The following USP7 variants were observed in gnomAD, a reference collection of about 807,000 sequenced individuals.
USP7 encodes ubiquitin specific peptidase 7.
In USP7, 9 loss-of-function variants were observed where a neutral mutation model predicts 162.9. That is an observed-to-expected ratio of 0.06 (90% CI 0.03 to 0.10). USP7 has a LOEUF of 0.10. USP7 is among the 10% of genes least tolerant of loss of function. The probability of loss-of-function intolerance (pLI) is 1.00; values close to 1 mark genes in which losing one functional copy is unlikely to be tolerated. For synonymous variants in USP7, 562 were observed against 475.9 expected (o/e 1.18, Z -2.35); for missense variants, 715 against 1,373.7 (o/e 0.52, Z 7.58).
intron 15 of USP7, 140 bp from the exon 16 acceptor site, chr16:8,903,542 A>C: frequency 2.6e-6 from 3 of 1,146,472 alleles, no homozygotes; most frequent in Non-Finnish European, 3.6e-6. Flanking sequence ...ATGAAGAAAA[A>C]CCGCATAAAA....
intron 1 of USP7, among the ~76,000 whole-genome samples, chr16:8,948,381 C>T (rs1363090336): frequency 1.3e-5 from 2 of 152,132 alleles, no homozygotes; most frequent in Non-Finnish European, 2.9e-5. Flanking sequence ...GACGAGTTTT[C>T]ACCATGTTGC....
Position 8,904,400 on chromosome 16 carries a change from T to C in USP7, c.1704+35A>G, listed in dbSNP as rs759598815. 10 of 1,609,622 alleles carry C rather than the reference T, an allele frequency of 6.2e-6. No individual in the cohort carries two copies. In the East Asian group the frequency reaches 1.8e-4, roughly 29 times the overall value. On this transcript the variant is annotated intron_variant, in intron 15 of 30. Coordinates refer to ENST00000344836, the MANE Select transcript of USP7 (RefSeq NM_003470.3). Reference sequence around the variant, plus strand: ...GTATAGAGATGGGTGCCCGGCTGCATGGTGACCCGGAGTCCCAGAAGGGCG... The same window carrying C: ...GTATAGAGATGGGTGCCCGGCTGCACGGTGACCCGGAGTCCCAGAAGGGCG...
chr16:8,935,031 A>G (rs919458783), intron 1 of USP7, among the ~76,000 whole-genome samples: 27 of 152,228 alleles, frequency 1.8e-4, no homozygotes, highest in Non-Finnish European at 3.5e-4. Context: ...GAAATAGCCT[A>G]AACGATAAGG....
At chr16:8,932,073 A>G (rs1188568721) in intron 1 of USP7, among the ~76,000 whole-genome samples, 1 of 152,198 alleles carries the variant, frequency 6.6e-6, no homozygotes, top group Non-Finnish European at 1.5e-5. Context: ...CCCCTCCAAG[A>G]ACTCTCCAAA....
chr16:8,903,290 A>G lies in USP7; in HGVS notation c.1817T>C (p.Val606Ala), dbSNP rs778702214. ...CACCATGGTCTGAGAGAGGCTCTGA[A>G]CAAACTCAGCAAGCGAGGAGTTCTT... Reference protein sequence around the residue: ...VLKNSSLAEFVQSLSQTMGFP... With the variant: ...VLKNSSLAEFAQSLSQTMGFP... Residue 606 changes from valine to alanine, a missense_variant, in exon 16 of 31, where the codon GTT becomes GCT. Around this residue, in one of 11 missense-constraint regions of USP7, gnomAD observed 197 missense variants for 306.5 expected, o/e 0.64. Coordinates refer to ENST00000344836, the MANE Select transcript of USP7 (RefSeq NM_003470.3). 1.2e-5 allele frequency: 19 copies of G among 1,613,920 alleles called. No homozygotes were observed.
intron 2 of USP7, among the ~76,000 whole-genome samples, chr16:8,927,195 G>A (rs973075513): frequency 5.3e-5 from 8 of 152,062 alleles, no homozygotes; most frequent in South Asian, 2.1e-4. Context: ...GGTGGCAAGC[G>A]CCTGTAGTCC....
At position 8,963,299 on chromosome 16, in the gene USP7, TGGGCCTCGCCTGCGGCCGGGGGCCG is replaced by T; in HGVS notation, c.-39_-15del. 1 of 1,195,810 alleles carries T rather than the reference TGGGCCTCGCCTGCGGCCGGGGGCCG, an allele frequency of 8.4e-7. No individual in the cohort carries two copies. Among genetic ancestry groups the T allele is most frequent in the Non-Finnish European group, 1.1e-6 (1 of 935,198 alleles). 74.1% of individuals were successfully genotyped at this position (1,195,810 alleles called of 1,614,324 possible). A position where few individuals can be genotyped will look rare whatever the true frequency, so the allele number is the denominator to read the frequency against. On this transcript the variant is annotated 5_prime_UTR_variant, in exon 1 of 31. Coordinates refer to ENST00000344836, the MANE Select transcript of USP7 (RefSeq NM_003470.3). Reference sequence around the variant, plus strand: ...CTGGTGGTTCATGTCGGCCGCGGCCTGGGCCTCGCCTGCGGCCGGGGGCCGGGGCTGCGAGCCCGGCGGGCGGGCG... The same window carrying T: ...CTGGTGGTTCATGTCGGCCGCGGCCTGGGCTGCGAGCCCGGCGGGCGGGCG...
intron 1 of USP7, among the ~76,000 whole-genome samples, chr16:8,944,122 C>G (rs1899175507): frequency 1.3e-5 from 2 of 152,066 alleles, no homozygotes; most frequent in Non-Finnish European, 2.9e-5. Context: ...GTAGTTCCCT[C>G]TGAGGAACAG....
chr16:8,934,303 T>A (rs552407729), intron 1 of USP7, among the ~76,000 whole-genome samples: 2 of 152,314 alleles, frequency 1.3e-5, no homozygotes, highest in Non-Finnish European at 2.9e-5. Flanking sequence ...AGGTTATGGT[T>A]TCATGAGATG....
At chr16:8,956,546 C>A (rs555981361) in intron 1 of USP7, among the ~76,000 whole-genome samples, 12 of 152,266 alleles carry the variant, frequency 7.9e-5, no homozygotes, top group Admixed American at 3.9e-4. Context: ...GGGCAGACTG[C>A]CTGAGCTCAG....
At chr16:8,935,702 G>A (rs1184629757) in intron 1 of USP7, 1 of 152,198 alleles carries the variant, frequency 6.6e-6, no homozygotes, top group Non-Finnish European at 1.5e-5. Flanking sequence ...ATTGGTGATT[G>A]CTAGGCCTTT....
Position 8,909,874 on chromosome 16 carries a change from C to G in USP7, c.1161+871G>C, listed in dbSNP as rs137890734. ...CCAGGAGGCAGAGGTTGCAGTGAGT[C>G]GAGATCGCGCCACTGCACTCTAGCC... On this transcript the variant is annotated intron_variant, in intron 11 of 30. Coordinates refer to ENST00000344836, the MANE Select transcript of USP7 (RefSeq NM_003470.3). Among the ~76,000 whole-genome samples, 945 of 152,162 alleles carry G rather than the reference C, an allele frequency of 6.2e-3. 11 individuals are homozygous for G. The highest frequency in any genetic ancestry group is 0.022 in the African/African-American group (898 of 41,502).
intron 26 of USP7, among the ~76,000 whole-genome samples, chr16:8,896,137 C>CTT (rs60467243): frequency 0.045 from 5,607 of 125,972 alleles, 156 homozygotes; most frequent in Middle Eastern, 0.15. Flanking sequence ...CCATGCCCAG[C>CTT]TTTTTTTTTT....
intron 3 of USP7, 29 bp from the exon 4 acceptor site, chr16:8,921,324 T>C (rs375038883): frequency 1.5e-5 from 24 of 1,604,130 alleles, no homozygotes; most frequent in Non-Finnish European, 1.8e-5. Context: ...TGAGCCTTAG[T>C]TGACATTATT....
At chr16:8,902,527 A>G in intron 16 of USP7, 45 bp from the exon 17 acceptor site, 2 of 1,529,248 alleles carry the variant, frequency 1.3e-6, no homozygotes, top group South Asian at 1.2e-5. Flanking sequence ...ACACGCTCAT[A>G]TTTTAGTCCT....
chr16:8,896,190 C>T (rs1326766868), intron 26 of USP7, among the ~76,000 whole-genome samples: 2 of 147,902 alleles, frequency 1.4e-5, no homozygotes, highest in African/African-American at 2.5e-5. Flanking sequence ...GAAACAGAGA[C>T]CGGAGGCAAG....
intron 1 of USP7, among the ~76,000 whole-genome samples, chr16:8,947,417 C>T (rs1465320356): frequency 4.6e-5 from 7 of 152,026 alleles, no homozygotes; most frequent in East Asian, 1.9e-4. Context: ...GGTGCCATCT[C>T]GGCTCACTGC....
intron 1 of USP7, among the ~76,000 whole-genome samples, chr16:8,944,103 T>C (rs1047858401): frequency 6.6e-6 from 1 of 152,026 alleles, no homozygotes; most frequent in Non-Finnish European, 1.5e-5. Context: ...ATACATCAAG[T>C]ATATAATGGT....
At chr16:8,954,711 TCA>T (rs1201553978) in intron 1 of USP7, among the ~76,000 whole-genome samples, 1 of 152,186 alleles carries the variant, frequency 6.6e-6, no homozygotes, top group Non-Finnish European at 1.5e-5. Context: ...CACGGTGGAC[TCA>T]CACCTGTAAT....
Sources: allele counts gnomAD v4.1 joint callset (sites outside exome capture counted in the v4.1 genomes callset), GRCh38; gene constraint gnomAD v4.1.1; regional missense constraint gnomAD v4.1.1; transcripts MANE v1.5; gene names NCBI Gene and HGNC (gene_info 2026-07-23, HGNC 2026-07-21).